DCDC1: variants seen among roughly 807,000 people sequenced by gnomAD.
DCDC1 encodes doublecortin domain containing 1.
Under a neutral mutation model 178.3 loss-of-function variants are expected in DCDC1, and 200 were observed. That is an observed-to-expected ratio of 1.12 (90% CI 1.00 to 1.26). The LOEUF (loss-of-function observed/expected upper bound fraction) is 1.26, where lower values mean the gene tolerates loss of function less well. Ranked by LOEUF, DCDC1 falls within the 50% of genes most tolerant of loss-of-function variation. DCDC1 has a pLI of 0.00. For synonymous variants in DCDC1, 690 were observed against 604.8 expected, an observed-to-expected ratio of 1.14 and a Z score of -2.07; for missense variants, 1,983 against 1,749.2, an observed-to-expected ratio of 1.13 and a Z score of -2.38.
chr11:31,261,479 C>T (rs1944779922), intron 8 of DCDC1, among the ~76,000 whole-genome samples: 1 of 152,050 alleles, frequency 6.6e-6, no homozygotes, highest in Non-Finnish European at 1.5e-5. Flanking sequence ...GAATGAAAAA[C>T]ATTTTTAAAA....
In DCDC1 at chr11:30,864,702, C is replaced by T. The variant is rs138060153; in HGVS notation, c.*671G>A. The T allele has an allele frequency of 8.6e-5, 13 of 151,780 alleles. 1 individual carries two copies. The highest frequency in any genetic ancestry group is 3.1e-4 in the African/African-American group (13 of 41,444). The allele number at this position is 151,780 out of a possible 1,614,324, so 9.4% of individuals were successfully genotyped here. A position where few individuals can be genotyped will look rare whatever the true frequency, so the allele number is the denominator to read the frequency against. On this transcript the variant is annotated 3_prime_UTR_variant, in exon 39 of 39. Coordinates refer to ENST00000684477, the MANE Select transcript of DCDC1 (RefSeq NM_001387274.1). ...ACCAAGGGTGTTCCTGCCCTCTAGGCACTTATCATTTAGTTGGGGAGACAA... is the reference window on the plus strand; with the variant it reads ...ACCAAGGGTGTTCCTGCCCTCTAGGTACTTATCATTTAGTTGGGGAGACAA...
In DCDC1 at chr11:31,142,582, A is replaced by T. The variant is rs554794590; in HGVS notation, c.1222-4798T>A. ...TAGAGAAGGTGTATTTTAGGATAATAGAATTTCTTTAAAGAATGACTTTAT... is the reference window on the plus strand; with the variant it reads ...TAGAGAAGGTGTATTTTAGGATAATTGAATTTCTTTAAAGAATGACTTTAT... On this transcript the variant is annotated intron_variant, in intron 9 of 38. Coordinates refer to ENST00000684477, the MANE Select transcript of DCDC1 (RefSeq NM_001387274.1). Among the ~76,000 whole-genome samples the T allele has an allele frequency of 3.9e-5, 6 of 152,336 alleles. No homozygotes were observed. In the South Asian group the frequency reaches 1.2e-3, roughly 32 times the overall value.
intron 3 of DCDC1, among the ~76,000 whole-genome samples, chr11:31,327,447 G>A (rs1438323187): frequency 3.3e-5 from 5 of 152,166 alleles, no homozygotes; most frequent in African/African-American, 1.2e-4. Flanking sequence ...TGGGATTACA[G>A]GCGTGAGTAA....
At chr11:31,083,824 T>C (rs1957328835) in intron 17 of DCDC1, among the ~76,000 whole-genome samples, 1 of 152,220 alleles carries the variant, frequency 6.6e-6, no homozygotes, top group South Asian at 2.1e-4. Context: ...AAGTGTTTGA[T>C]GTTATGTTAG....
Position 31,127,631 on chromosome 11 carries a change from C to A in DCDC1, c.1323G>T (p.Arg441Ser). ...EHHKEQEEVS[R>S]LIDELQTAIK... is the part of the protein sequence containing the mutation. The stretch of plus-strand genomic sequence containing the variant: ...TAGCTGTCTGCAATTCATCAATCAG[C>A]CTGCTCACCTGAAGGGGTTAAATTA... Residue 441 changes from arginine (R) to serine (S), a missense_variant, in exon 11 of 39, where the codon AGG (arginine) becomes AGT (serine). Arg to Ser is a moderately radical substitution (Grantham distance 110). Transcript: ENST00000684477. The A allele has an allele frequency of 1.4e-6, 1 of 702,224 alleles. No homozygotes were observed. Among genetic ancestry groups the A allele is most frequent in the Non-Finnish European group, 2.6e-6 (1 of 384,544 alleles). 43.5% of individuals were successfully genotyped at this position (702,224 alleles called of 1,614,324 possible).
chr11:30,866,476 C>T (rs1940987822), intron 38 of DCDC1, among the ~76,000 whole-genome samples: 1 of 152,150 alleles, frequency 6.6e-6, no homozygotes, highest in Admixed American at 6.5e-5. Flanking sequence ...CATGAGGCTA[C>T]TGCCCTCATG....
At chr11:31,023,055 G>A (rs927097996) in intron 20 of DCDC1, among the ~76,000 whole-genome samples, 1 of 151,922 alleles carries the variant, frequency 6.6e-6, no homozygotes, top group Non-Finnish European at 1.5e-5. Context: ...CACAGCAAAG[G>A]CTCCACTCTA....
intron 9 of DCDC1, among the ~76,000 whole-genome samples, chr11:31,212,769 T>C (rs1483086682): frequency 6.6e-6 from 1 of 152,218 alleles, no homozygotes; most frequent in Non-Finnish European, 1.5e-5. Flanking sequence ...CTGTATTTTT[T>C]TCAGTAATTC....
Position 30,879,270 on chromosome 11 carries a change from A to G in DCDC1, c.5234-559T>C, listed in dbSNP as rs141083876. 2.8e-3 allele frequency among the ~76,000 whole-genome samples: 431 copies of G among 152,320 alleles called. 4 individuals carry two copies. The highest frequency in any genetic ancestry group is 0.021 in the East Asian group (109 of 5,174). On this transcript the variant is annotated intron_variant, in intron 37 of 38. Transcript: ENST00000684477. ...TATTTTCTTCCTACATACTTAAGCC[A>G]GTAGGTCACAGAAACAGCATGAGTG...
At chr11:30,940,255 A>G (rs1947546043) in intron 21 of DCDC1, among the ~76,000 whole-genome samples, 2 of 152,128 alleles carry the variant, frequency 1.3e-5, no homozygotes, top group African/African-American at 2.4e-5. Context: ...GCCAATCATC[A>G]GGCCTCCCAG....
chr11:31,092,018 G>C (rs1957850637), intron 16 of DCDC1, among the ~76,000 whole-genome samples: 1 of 152,060 alleles, frequency 6.6e-6, no homozygotes, highest in Non-Finnish European at 1.5e-5. Flanking sequence ...TTTCTGCCAA[G>C]GAAATTAAAG....
intron 20 of DCDC1, among the ~76,000 whole-genome samples, chr11:30,982,749 A>G (rs1326085910): frequency 6.6e-6 from 1 of 152,108 alleles, no homozygotes; most frequent in East Asian, 1.9e-4. Flanking sequence ...CTACTGATGC[A>G]CCGCCCCATC....
chr11:31,021,661 A>G (rs1201670432), intron 20 of DCDC1, among the ~76,000 whole-genome samples: 4 of 152,128 alleles, frequency 2.6e-5, no homozygotes. Flanking sequence ...AAAAATTGTT[A>G]TTATATACCT....
At chr11:30,950,055 C>A (rs1348560792) in intron 21 of DCDC1, among the ~76,000 whole-genome samples, 1 of 151,990 alleles carries the variant, frequency 6.6e-6, no homozygotes, top group Admixed American at 6.6e-5. Flanking sequence ...AGAAGTCATA[C>A]AAATGGCAAA....
intron 9 of DCDC1, among the ~76,000 whole-genome samples, chr11:31,143,360 G>A (rs1964072876): frequency 6.6e-6 from 1 of 152,010 alleles, no homozygotes; most frequent in Non-Finnish European, 1.5e-5. Context: ...TGAGTGAAGT[G>A]GCTGGACATA....
At chr11:31,358,243 T>G (rs1391308651) in intron 1 of DCDC1, among the ~76,000 whole-genome samples, 1 of 152,002 alleles carries the variant, frequency 6.6e-6, no homozygotes, top group African/African-American at 2.4e-5. Flanking sequence ...AACAGAGATA[T>G]AGATCAATGG....
In DCDC1 at chr11:31,077,857, G is replaced by A. The variant is rs534520626; in HGVS notation, c.2298+8C>T. ...AGGCATAAAAGCTGTGGATTATAAA[G>A]TCCTTACCTTTGAATAAATGCAACC... is the stretch of plus-strand genomic sequence containing the variant. On this transcript the variant is annotated splice_region_variant and intron_variant, in intron 18 of 38. Coordinates refer to ENST00000684477, the MANE Select transcript of DCDC1 (RefSeq NM_001387274.1). 1.2e-3 allele frequency: 911 copies of A among 766,022 alleles called. 12 individuals are homozygous for A. The highest frequency in any genetic ancestry group is 0.011 in the South Asian group (820 of 74,576). The allele number at this position is 766,022 out of a possible 1,614,324, so 47.5% of individuals were successfully genotyped here. A position where few individuals can be genotyped will look rare whatever the true frequency, so the allele number is the denominator to read the frequency against.
At position 30,892,891 on chromosome 11, in the gene DCDC1, T is replaced by G. The variant is rs931650592; in HGVS notation, c.5009A>C (p.Lys1670Thr). Reference protein sequence around the residue: ...PSNLYKQPNTKRVWIYLNGGR... With the variant: ...PSNLYKQPNTTRVWIYLNGGR... ...TCCATTTAGATAAATCCACACTCGT[T>G]TTGTGTTGGGCTGCTTATACAGGTT... The change falls in exon 36 of 39, where the codon AAA (lysine) becomes ACA (threonine). Residue 1670 changes from lysine to threonine, a missense_variant. By Grantham distance (78) the Lys-to-Thr change is moderately conservative (BLOSUM62 -1). Transcript: ENST00000684477. 2 of 1,613,768 alleles carry G rather than the reference T, an allele frequency of 1.2e-6. No individual in the cohort carries two copies. Among genetic ancestry groups the G allele is most frequent in the African/African-American group, 2.7e-5 (2 of 74,914 alleles).
chr11:30,948,936 T>G (rs540424332), intron 21 of DCDC1, among the ~76,000 whole-genome samples: 6 of 152,158 alleles, frequency 3.9e-5, no homozygotes, highest in Non-Finnish European at 7.4e-5. Flanking sequence ...ATTCAGGACA[T>G]AGGCATGGGA....
Sources: gnomAD v4.1 joint callset for allele counts (sites outside exome capture counted in the v4.1 genomes callset) on GRCh38, gnomAD v4.1.1 for gene constraint, MANE v1.5 for transcripts, NCBI Gene and HGNC (gene_info 2026-07-23, HGNC 2026-07-21) for gene names.